Variants in ARSF observed in about 807,000 individuals in gnomAD.
ARSF encodes the protein arylsulfatase F.
A neutral mutation model predicts 35.4 loss-of-function variants in ARSF; 33 were observed. The ratio of observed to expected loss-of-function variants is 0.93; its 90% CI spans 0.71 to 1.25. ARSF has a LOEUF of 1.25. ARSF is among the 50% of genes most tolerant of loss of function. The pLI is 0.00. For synonymous variants in ARSF, 222 were observed against 193.1 expected (o/e 1.15, Z -1.24); for missense variants, 501 against 480.2 (o/e 1.04, Z -0.40).
Position 3,107,903 on chromosome X carries a change from A to T in ARSF, c.1266-2225A>T, listed in dbSNP as rs745500901. 2.7e-5 allele frequency among the ~76,000 whole-genome samples: 3 copies of T among 111,583 alleles called. No individual in the cohort carries two copies. In the South Asian group the frequency reaches 1.1e-3, roughly 42 times the overall value. The stretch of plus-strand genomic sequence containing the variant: ...AAAAAAATTTTCTTATCAAAAGATC[A>T]CAGTGATTTTCTCCTATGTTTTCAC... On this transcript the variant is annotated intron_variant, in intron 9 of 10. Coordinates refer to ENST00000381127, the MANE Select transcript of ARSF (RefSeq NM_001201539.2).
intron 6 of ARSF, among the ~76,000 whole-genome samples, chrX:3,086,627 G>A (rs747190319): frequency 1.0e-3 from 104 of 102,626 alleles, no homozygotes; most frequent in African/African-American, 3.6e-3. Flanking sequence ...ACCAGCCAAA[G>A]CAACATATGG....
At chrX:3,045,431 C>T (rs191374380) in intron 1 of ARSF, among the ~76,000 whole-genome samples, 148 of 111,006 alleles carry the variant, frequency 1.3e-3, no homozygotes, top group Non-Finnish European at 2.4e-3. Context: ...CTTGAGGAGG[C>T]AGTGTATGAT....
At chrX:3,076,695 G>C in intron 4 of ARSF, 26 bp downstream of exon 4, 4 of 1,201,650 alleles carry the variant, frequency 3.3e-6, no homozygotes, top group Non-Finnish European at 4.5e-6. Context: ...GGCTCTGCTG[G>C]GCTCTGCCCT....
chrX:3,059,388 C>T (rs1048273165), intron 1 of ARSF, among the ~76,000 whole-genome samples: 7 of 111,790 alleles, frequency 6.3e-5, no homozygotes, highest in Admixed American at 1.9e-4. Context: ...ACACAGAAAA[C>T]GGGTGATTTC....
Position 3,041,649 on chromosome X carries a change from T to C in ARSF, c.-43T>C, listed in dbSNP as rs2089956230. The C allele has an allele frequency of 8.9e-6, 1 of 112,205 alleles. No homozygotes were observed. The highest frequency in any genetic ancestry group is 3.2e-5 in the African/African-American group (1 of 30,886). 9.2% of individuals were successfully genotyped at this position (112,205 alleles called of 1,213,427 possible). On this transcript the variant is annotated 5_prime_UTR_variant, in exon 1 of 11. Transcript: ENST00000381127. Reference sequence around the variant, plus strand: ...AGTCACTGTTGGGATCCAACCTTTTTGTTTGTATAAACTGGTGAGTTTGTG... The same window carrying C: ...AGTCACTGTTGGGATCCAACCTTTTCGTTTGTATAAACTGGTGAGTTTGTG...
Position 3,076,606 on chromosome X carries a change from G to A in ARSF, c.220G>A (p.Ala74Thr). The A allele has an allele frequency of 4.1e-6, 5 of 1,210,510 alleles. No homozygotes were observed. The highest frequency in any genetic ancestry group is 1.7e-5 in the African/African-American group (1 of 57,641). ...EGVRLTQHIS[A>T]ASLCSPSRSA... ...CGTGCGACTGACTCAGCACATCTCTGCCGCCTCCCTCTGCAGCCCAAGCCG... is the reference window on the plus strand; with the variant it reads ...CGTGCGACTGACTCAGCACATCTCTACCGCCTCCCTCTGCAGCCCAAGCCG... The change falls in exon 4 of 11, where the codon GCC becomes ACC. Residue 74 changes from alanine to threonine, a missense_variant. Coordinates refer to ENST00000381127, the MANE Select transcript of ARSF (RefSeq NM_001201539.2).
At chrX:3,048,636 T>C (rs1221151052) in intron 1 of ARSF, among the ~76,000 whole-genome samples, 1 of 112,054 alleles carries the variant, frequency 8.9e-6, no homozygotes, top group African/African-American at 3.2e-5. Context: ...ATGTCTCATG[T>C]CTCCCTAAAA....
At chrX:3,075,974 C>A (rs957060263) in intron 3 of ARSF, among the ~76,000 whole-genome samples, 1 of 51,403 alleles carries the variant, frequency 1.9e-5, no homozygotes, top group African/African-American at 7.0e-5. Context: ...TTTCTGTCTC[C>A]CTCCATCTGT....
chrX:3,103,710 G>A, intron 8 of ARSF, 52 bp from the exon 9 acceptor site: 10 of 1,176,090 alleles, frequency 8.5e-6, no homozygotes, highest in Non-Finnish European at 1.2e-5. Context: ...ATTCAATACA[G>A]TGACTATTTT....
intron 7 of ARSF, among the ~76,000 whole-genome samples, chrX:3,091,351 C>T (rs1465949744): frequency 1.8e-5 from 2 of 112,436 alleles, no homozygotes; most frequent in Non-Finnish European, 3.8e-5. Flanking sequence ...AATCCAGTAC[C>T]CTCATGAACT....
intron 1 of ARSF, among the ~76,000 whole-genome samples, chrX:3,064,271 A>T (rs2090054139): frequency 8.9e-6 from 1 of 112,210 alleles, no homozygotes; most frequent in Non-Finnish European, 1.9e-5. Context: ...TTGAAACTGG[A>T]TCCCTTCCTT....
At chrX:3,104,050 C>T (rs969431855) in intron 9 of ARSF, 126 bp downstream of exon 9, 71 of 672,749 alleles carry the variant, frequency 1.1e-4, no homozygotes, top group Non-Finnish European at 1.6e-4. Flanking sequence ...CACAGTTTTA[C>T]CTTCCTATAT....
At chrX:3,043,778 TTTGA>T (rs2089964416) in intron 1 of ARSF, among the ~76,000 whole-genome samples, 2 of 110,861 alleles carry the variant, frequency 1.8e-5, no homozygotes, top group Non-Finnish European at 3.8e-5. Flanking sequence ...TGTCTGTTTG[TTTGA>T]TTGATTTGTT....
At chrX:3,091,890 G>A (rs138999553) in intron 7 of ARSF, among the ~76,000 whole-genome samples, 167 of 110,695 alleles carry the variant, frequency 1.5e-3, no homozygotes, top group African/African-American at 4.6e-3. Context: ...ATAGACGATA[G>A]ATGATCGATA....
intron 7 of ARSF, 75 bp from the exon 8 acceptor site, chrX:3,101,012 T>C: frequency 9.8e-7 from 1 of 1,019,632 alleles, no homozygotes; most frequent in Non-Finnish European, 1.4e-6. Flanking sequence ...TTTAGATAGC[T>C]CATGCCCATT....
intron 1 of ARSF, among the ~76,000 whole-genome samples, chrX:3,049,415 G>T (rs2089988360): frequency 1.8e-5 from 2 of 111,757 alleles, no homozygotes; most frequent in Admixed American, 9.6e-5. Context: ...TAAACAATAG[G>T]GCAGGGGAAT....
chrX:3,108,368 T>C, intron 9 of ARSF, among the ~76,000 whole-genome samples: 1 of 112,286 alleles, frequency 8.9e-6, no homozygotes, highest in Non-Finnish European at 1.9e-5. Context: ...TTGCTTTAAA[T>C]CTATAGATCA....
chrX:3,057,700 A>C (rs1425992406), intron 1 of ARSF, among the ~76,000 whole-genome samples: 1 of 111,947 alleles, frequency 8.9e-6, no homozygotes, highest in Non-Finnish European at 1.9e-5. Context: ...CTACCCTTTG[A>C]AAGAAATGCA....
At chrX:3,104,325 T>G (rs1202380977) in intron 9 of ARSF, among the ~76,000 whole-genome samples, 1 of 111,896 alleles carries the variant, frequency 8.9e-6, no homozygotes, top group Non-Finnish European at 1.9e-5. Flanking sequence ...ATGTTTGCCT[T>G]TCTCTGGGCT....
Sources: allele counts gnomAD v4.1 joint callset (sites outside exome capture counted in the v4.1 genomes callset), GRCh38; gene constraint gnomAD v4.1.1; transcripts MANE v1.5; gene names NCBI Gene and HGNC (gene_info 2026-07-23, HGNC 2026-07-21).